The following C6orf89 variants were observed in gnomAD, a reference collection of about 807,000 sequenced individuals.
C6orf89 encodes bombesin receptor-activated protein C6orf89.
Under a neutral mutation model 40.7 loss-of-function variants are expected in C6orf89, and 29 were observed. That is an observed-to-expected ratio of 0.71 (90% CI 0.53 to 0.97). C6orf89 has a LOEUF of 0.97. Among genes scored for constraint, C6orf89 ranks in the 50% least tolerant of loss-of-function variants. The pLI is 0.00. For missense variants in C6orf89, 392 were observed against 429.1 expected (o/e 0.91, Z 0.76); for synonymous variants, 165 against 152.2 (o/e 1.08, Z -0.62).
chr6:36,906,383 T>C (rs1270828887), intron 4 of C6orf89, among the ~76,000 whole-genome samples: 1 of 152,238 alleles, frequency 6.6e-6, no homozygotes, highest in Non-Finnish European at 1.5e-5. Flanking sequence ...TATTTCTCAG[T>C]CTTCACAGCA....
chr6:36,904,070 C>T (rs964095837), intron 4 of C6orf89, among the ~76,000 whole-genome samples: 2 of 152,120 alleles, frequency 1.3e-5, no homozygotes. Flanking sequence ...CTCAGACACA[C>T]CAGTCTCCTT....
At chr6:36,892,169 T>C (rs1345332207) in intron 1 of C6orf89, among the ~76,000 whole-genome samples, 1 of 152,162 alleles carries the variant, frequency 6.6e-6, no homozygotes, top group Non-Finnish European at 1.5e-5. Flanking sequence ...TCTGAAGTAC[T>C]CCAGAAGTGA....
At chr6:36,907,585 C>A (rs1460671144) in intron 4 of C6orf89, among the ~76,000 whole-genome samples, 2 of 152,158 alleles carry the variant, frequency 1.3e-5, no homozygotes, top group South Asian at 2.1e-4. Flanking sequence ...ACAGTGAAAT[C>A]ATTCCAAATC....
At chr6:36,903,764 G>T (rs1309384592) in intron 4 of C6orf89, among the ~76,000 whole-genome samples, 1 of 152,132 alleles carries the variant, frequency 6.6e-6, no homozygotes, top group African/African-American at 2.4e-5. Context: ...TTGTATACTT[G>T]AGGAAGTCAT....
At chr6:36,907,139 GCCAGGCACTGTT>G (rs1449444159) in intron 4 of C6orf89, among the ~76,000 whole-genome samples, 1 of 152,046 alleles carries the variant, frequency 6.6e-6, no homozygotes, top group Non-Finnish European at 1.5e-5. Flanking sequence ...TGCTATATAT[GCCAGGCACTGTT>G]CTCAACAAAG....
chr6:36,923,195 A>G (rs1255733262), intron 8 of C6orf89, 152 bp from the exon 9 acceptor site: 8 of 598,702 alleles, frequency 1.3e-5, no homozygotes, highest in Non-Finnish European at 1.8e-5. Context: ...AGAAAAAGAA[A>G]AAAAAGGAAA....
Position 36,927,484 on chromosome 6 carries a change from C to T in C6orf89, c.*4043C>T, listed in dbSNP as rs560270937. On this transcript the variant is annotated 3_prime_UTR_variant, in exon 9 of 9. Transcript: ENST00000480824. ...CACAGAGAGAGGCAATTTTGTCTAC[C>T]TTTCGAGAATCAGTTATAAACAGAA... The T allele has an allele frequency of 4.6e-5, 7 of 152,300 alleles. No homozygotes were observed. In the East Asian group the frequency reaches 1.3e-3, roughly 29 times the overall value. The allele number at this position is 152,300 out of a possible 1,614,324, so 9.4% of individuals were successfully genotyped here. A position where few individuals can be genotyped will look rare whatever the true frequency, so the allele number is the denominator to read the frequency against.
chr6:36,918,528 G>A (rs1019705122), intron 7 of C6orf89, among the ~76,000 whole-genome samples: 4 of 152,112 alleles, frequency 2.6e-5, no homozygotes, highest in Non-Finnish European at 5.9e-5. Flanking sequence ...AGAGAGAACA[G>A]GGTTGGGGAC....
rs942214988 is a variant in C6orf89, at chr6:36,919,514, A to G, written c.826-64A>G. 1.3e-5 allele frequency: 20 copies of G among 1,555,980 alleles called. No homozygotes were observed. In the South Asian group the frequency reaches 2.1e-4, roughly 17 times the overall value. ...ATGTGAAAGCATTTTTATTTACTAAACCCCCTGGTTTTATTTCGTTTTCTT... is the reference window on the plus strand; with the variant it reads ...ATGTGAAAGCATTTTTATTTACTAAGCCCCCTGGTTTTATTTCGTTTTCTT... On this transcript the variant is annotated intron_variant, in intron 7 of 8. Coordinates refer to ENST00000480824, the MANE Select transcript of C6orf89 (RefSeq NM_001286635.2).
intron 8 of C6orf89, among the ~76,000 whole-genome samples, chr6:36,922,829 G>C (rs1762557345): frequency 6.6e-6 from 1 of 152,184 alleles, no homozygotes; most frequent in East Asian, 1.9e-4. Flanking sequence ...AGTAGGTCTT[G>C]TGTCCCCTCG....
intron 7 of C6orf89, 88 bp from the exon 8 acceptor site, chr6:36,919,490 T>A: frequency 6.7e-7 from 1 of 1,483,722 alleles, no homozygotes; most frequent in Non-Finnish European, 9.2e-7. Context: ...CAGAGCCATA[T>A]GTGAAAGCAT....
At chr6:36,915,847 A>G (rs913430976) in intron 6 of C6orf89, among the ~76,000 whole-genome samples, 26 of 152,204 alleles carry the variant, frequency 1.7e-4, no homozygotes, top group African/African-American at 5.5e-4. Context: ...TGCGGAAGAC[A>G]TGGTTCATTC....
At chr6:36,889,201 C>G (rs1405464885) in intron 1 of C6orf89, among the ~76,000 whole-genome samples, 1 of 152,128 alleles carries the variant, frequency 6.6e-6, no homozygotes, top group African/African-American at 2.4e-5. Flanking sequence ...GGGGTAGCAA[C>G]AGCAGCTGCT....
intron 2 of C6orf89, among the ~76,000 whole-genome samples, chr6:36,897,791 G>A (rs1056744017): frequency 6.6e-6 from 1 of 152,188 alleles, no homozygotes; most frequent in African/African-American, 2.4e-5. Flanking sequence ...GCTGGCGTGC[G>A]CTGGGTTGTG....
rs1249822629 is a variant in C6orf89, at chr6:36,924,663, CTCTT to C, written c.*1224_*1227del. On this transcript the variant is annotated 3_prime_UTR_variant, in exon 9 of 9. Coordinates refer to ENST00000480824, the MANE Select transcript of C6orf89 (RefSeq NM_001286635.2). ...TTTCCTGTTCCTTTTATTTTTTTCT[CTCTT>C]TATTATTCTTTTATTGACACCACTA... The C allele has an allele frequency of 1.3e-5, 2 of 152,028 alleles. No homozygotes were observed. Among genetic ancestry groups the C allele is most frequent in the South Asian group, 4.2e-4 (2 of 4,814 alleles). 9.4% of individuals were successfully genotyped at this position (152,028 alleles called of 1,614,324 possible).
intron 1 of C6orf89, among the ~76,000 whole-genome samples, chr6:36,874,010 G>A (rs1337954456): frequency 6.6e-6 from 1 of 152,196 alleles, no homozygotes; most frequent in Non-Finnish European, 1.5e-5. Context: ...AATGAATAGA[G>A]CTAAAGGATC....
intron 4 of C6orf89, among the ~76,000 whole-genome samples, chr6:36,910,316 A>G (rs1053853802): frequency 6.6e-6 from 1 of 152,156 alleles, no homozygotes; most frequent in Non-Finnish European, 1.5e-5. Flanking sequence ...TCTAGAATTT[A>G]ATTTAGTATA....
At chr6:36,898,228 G>A (rs1761515447) in intron 2 of C6orf89, among the ~76,000 whole-genome samples, 1 of 151,306 alleles carries the variant, frequency 6.6e-6, no homozygotes, top group African/African-American at 2.4e-5. Context: ...GACTACAGGT[G>A]TGTGCCACCA....
intron 4 of C6orf89, among the ~76,000 whole-genome samples, chr6:36,908,178 G>A (rs1761993482): frequency 6.6e-6 from 1 of 152,200 alleles, no homozygotes; most frequent in Non-Finnish European, 1.5e-5. Context: ...TTCTTTTAAA[G>A]TTTGGGCTCC....
Sources: gnomAD v4.1 joint callset for allele counts (sites outside exome capture counted in the v4.1 genomes callset) on GRCh38, gnomAD v4.1.1 for gene constraint, MANE v1.5 for transcripts, NCBI Gene and HGNC (gene_info 2026-07-23, HGNC 2026-07-21) for gene names.